Variants in SH3GL2 observed in about 807,000 individuals in gnomAD.
The protein encoded by SH3GL2 is endophilin-A1.
Under a neutral mutation model 46.0 loss-of-function variants are expected in SH3GL2, and 24 were observed. The ratio of observed to expected loss-of-function variants is 0.52; its 90% CI spans 0.38 to 0.73. The LOEUF (loss-of-function observed/expected upper bound fraction) is 0.73. Ranked by LOEUF, SH3GL2 falls within the 30% of genes least tolerant of loss-of-function variation. The probability of loss-of-function intolerance (pLI) is 0.00; values close to 1 mark genes in which losing one functional copy is unlikely to be tolerated. For missense variants in SH3GL2, 413 were observed against 424.2 expected (o/e 0.97, Z 0.23); for synonymous variants, 196 against 147.1 (o/e 1.33, Z -2.40).
chr9:17,722,751 G>A (rs1821927197), intron 1 of SH3GL2, among the ~76,000 whole-genome samples: 1 of 151,874 alleles, frequency 6.6e-6, no homozygotes, highest in African/African-American at 2.4e-5. Flanking sequence ...TGCATACATT[G>A]TCACTTATTT....
rs541977691 is a variant in SH3GL2 at position 17,733,136 on chromosome 9, C to T, written c.46-13930C>T. Among the ~76,000 whole-genome samples, 30 of 152,186 alleles carry T rather than the reference C, an allele frequency of 2.0e-4. No homozygotes were observed. In the South Asian group the frequency reaches 6.0e-3, roughly 31 times the overall value. On this transcript the variant is annotated intron_variant, in intron 1 of 8. Transcript: ENST00000380607. Reference sequence around the variant, plus strand: ...TCTTTTTTGATGGGTGGTCAGACCTCCTCTTTCCTACAACCCTCACCCCAT... The same window carrying T: ...TCTTTTTTGATGGGTGGTCAGACCTTCTCTTTCCTACAACCCTCACCCCAT...
intron 1 of SH3GL2, among the ~76,000 whole-genome samples, chr9:17,583,479 A>G (rs1818315566): frequency 6.6e-6 from 1 of 152,178 alleles, no homozygotes; most frequent in Non-Finnish European, 1.5e-5. Context: ...TTTGAAGCAA[A>G]GGGTGGGCCC....
Position 17,771,742 on chromosome 9 carries a change from G to A in SH3GL2, c.187+10233G>A, listed in dbSNP as rs1240153541. On this transcript the variant is annotated intron_variant, in intron 3 of 8. Coordinates refer to ENST00000380607, the MANE Select transcript of SH3GL2 (RefSeq NM_003026.5). ...TCACAAGTTCTTAGGGCTGCTGACTGTGTACTACAGCACAGGGTCTTAATA... is the reference window on the plus strand; with the variant it reads ...TCACAAGTTCTTAGGGCTGCTGACTATGTACTACAGCACAGGGTCTTAATA... 2.0e-5 allele frequency among the ~76,000 whole-genome samples: 3 copies of A among 152,160 alleles called. No individual in the cohort carries two copies. In the East Asian group the frequency reaches 5.8e-4, roughly 29 times the overall value.
At chr9:17,637,682 C>T (rs963108706) in intron 1 of SH3GL2, among the ~76,000 whole-genome samples, 1 of 152,196 alleles carries the variant, frequency 6.6e-6, no homozygotes, top group Admixed American at 6.5e-5. Flanking sequence ...GCCTTAGCCT[C>T]CTCACCAGTA....
chr9:17,732,004 C>T (rs778282832), intron 1 of SH3GL2, among the ~76,000 whole-genome samples: 2 of 152,062 alleles, frequency 1.3e-5, no homozygotes, highest in Non-Finnish European at 2.9e-5. Context: ...GGAGGAGATA[C>T]TGTGATAGGG....
intron 1 of SH3GL2, among the ~76,000 whole-genome samples, chr9:17,673,395 G>C (rs1353599815): frequency 6.7e-6 from 1 of 149,724 alleles, no homozygotes; most frequent in African/African-American, 2.5e-5. Context: ...CAAGCGATCT[G>C]CCTGCCTCCC....
chr9:17,726,928 C>T (rs1419635356), intron 1 of SH3GL2, among the ~76,000 whole-genome samples: 1 of 152,122 alleles, frequency 6.6e-6, no homozygotes, highest in Non-Finnish European at 1.5e-5. Context: ...TATAGTCACA[C>T]ACTAGACACA....
At chr9:17,606,508 T>C (rs1264902449) in intron 1 of SH3GL2, among the ~76,000 whole-genome samples, 1 of 152,182 alleles carries the variant, frequency 6.6e-6, no homozygotes, top group Non-Finnish European at 1.5e-5. Flanking sequence ...CCCTTCCCTT[T>C]TGATTGATAT....
chr9:17,659,872 A>G (rs12352499), intron 1 of SH3GL2, among the ~76,000 whole-genome samples: 2,933 of 152,262 alleles, frequency 0.019, 111 homozygotes, highest in African/African-American at 0.06. Context: ...AAATATTTCA[A>G]TTTTCATAAA....
At chr9:17,715,194 C>CTTTTTTTT (rs554919094) in intron 1 of SH3GL2, among the ~76,000 whole-genome samples, 1 of 128,936 alleles carries the variant, frequency 7.8e-6, no homozygotes, top group African/African-American at 2.8e-5. Flanking sequence ...TCTTTCTTTT[C>CTTTTTTTT]TTTTTTTTTT....
chr9:17,634,853 GC>G (rs1464837926), intron 1 of SH3GL2, among the ~76,000 whole-genome samples: 1 of 152,186 alleles, frequency 6.6e-6, no homozygotes, highest in Non-Finnish European at 1.5e-5. Flanking sequence ...GGAGCCTGTG[GC>G]AGGGCCCTGG....
chr9:17,598,511 C>G (rs559404258), intron 1 of SH3GL2, among the ~76,000 whole-genome samples: 44 of 152,312 alleles, frequency 2.9e-4, no homozygotes, highest in African/African-American at 1.0e-3. Context: ...GAAACCAGGC[C>G]TTTGCAGAGT....
At chr9:17,717,806 T>TG (rs34005761) in intron 1 of SH3GL2, among the ~76,000 whole-genome samples, 1 of 97,018 alleles carries the variant, frequency 1.0e-5, no homozygotes, top group South Asian at 3.4e-4. Context: ...TTATGTTTGA[T>TG]ATTATTTAGT....
intron 1 of SH3GL2, among the ~76,000 whole-genome samples, chr9:17,648,674 A>T (rs1819885115): frequency 6.6e-6 from 1 of 152,222 alleles, no homozygotes; most frequent in Non-Finnish European, 1.5e-5. Flanking sequence ...TCAGAAAATG[A>T]GTCATTGGCT....
At chr9:17,787,969 T>C (rs1413446466) in intron 5 of SH3GL2, among the ~76,000 whole-genome samples, 1 of 152,212 alleles carries the variant, frequency 6.6e-6, no homozygotes, top group Admixed American at 6.6e-5. Context: ...GTTATGTGTT[T>C]TTATATTAAT....
intron 1 of SH3GL2, among the ~76,000 whole-genome samples, chr9:17,669,211 G>A (rs7021836): frequency 0.01 from 1,565 of 152,114 alleles, 17 homozygotes; most frequent in Middle Eastern, 0.024. Context: ...CTTGAAAAAC[G>A]GTAGTATGGT....
intron 1 of SH3GL2, among the ~76,000 whole-genome samples, chr9:17,622,470 G>C (rs981302035): frequency 2.6e-5 from 4 of 152,174 alleles, no homozygotes; most frequent in African/African-American, 9.7e-5. Flanking sequence ...CACTAGAATT[G>C]GGTGTCCAGG....
chr9:17,606,468 T>A (rs1818763878), intron 1 of SH3GL2, among the ~76,000 whole-genome samples: 1 of 152,204 alleles, frequency 6.6e-6, no homozygotes, highest in African/African-American at 2.4e-5. Context: ...TTGGGAATCA[T>A]TAGCCTATCC....
intron 1 of SH3GL2, among the ~76,000 whole-genome samples, chr9:17,658,027 C>T (rs1199805021): frequency 6.6e-6 from 1 of 152,134 alleles, no homozygotes; most frequent in Non-Finnish European, 1.5e-5. Flanking sequence ...TTAACTGATC[C>T]ACTGCAGATA....
Sources: allele counts gnomAD v4.1 joint callset (sites outside exome capture counted in the v4.1 genomes callset), GRCh38; gene constraint gnomAD v4.1.1; transcripts MANE v1.5; gene names NCBI Gene and HGNC (gene_info 2026-07-23, HGNC 2026-07-21).